The following RHOA variants were observed in gnomAD, a reference collection of about 807,000 sequenced individuals.
RHOA encodes the protein ras homolog family member A, also known as transforming protein RhoA.
A neutral mutation model predicts 17.5 loss-of-function variants in RHOA; 3 were observed. The observed-to-expected ratio is 0.17, with a 90% CI of 0.08 to 0.44. The LOEUF is 0.44. RHOA is among the 20% of genes least tolerant of loss of function. The pLI is 0.99. For missense variants in RHOA, 56 were observed against 242.3 expected (o/e 0.23, Z 5.10); for synonymous variants, 98 against 88.4 (o/e 1.11, Z -0.61).
At chr3:49,363,037 A>AG (rs760314592) in intron 3 of RHOA, among the ~76,000 whole-genome samples, 1 of 152,212 alleles carries the variant, frequency 6.6e-6, no homozygotes, top group Non-Finnish European at 1.5e-5. Context: ...CAGCTGACCC[A>AG]GGGTCCACAT....
intron 1 of RHOA, among the ~76,000 whole-genome samples, chr3:49,403,771 G>A (rs1045518094): frequency 6.6e-6 from 1 of 152,016 alleles, no homozygotes; most frequent in South Asian, 2.1e-4. Context: ...TTTAAAGTAT[G>A]TGCATTTTAT....
At chr3:49,406,585 A>T (rs1159710093) in intron 1 of RHOA, 1 of 152,184 alleles carries the variant, frequency 6.6e-6, no homozygotes, top group Non-Finnish European at 1.5e-5. Context: ...CCTGGCCGAC[A>T]TGGTAAAATT....
chr3:49,360,457 C>T (rs2047946337), intron 4 of RHOA, 75 bp from the exon 5 acceptor site: 1 of 1,448,370 alleles, frequency 6.9e-7, no homozygotes, highest in Non-Finnish European at 9.3e-7. Context: ...TATTCAAATT[C>T]ATCTAAAAGA....
At chr3:49,365,172 T>C (rs973713776) in intron 3 of RHOA, 3 of 151,246 alleles carry the variant, frequency 2.0e-5, no homozygotes, top group Non-Finnish European at 4.4e-5. Context: ...AGATGGACTC[T>C]TGCTCTGTCG....
chr3:49,383,103 G>T (rs566892354), intron 1 of RHOA, among the ~76,000 whole-genome samples: 2 of 151,766 alleles, frequency 1.3e-5, no homozygotes, highest in South Asian at 4.2e-4. Context: ...CCACCTTTGC[G>T]TAGCACCCTA....
chr3:49,368,284 C>G (rs1052378433), intron 3 of RHOA, 144 bp downstream of exon 3: 2 of 1,023,744 alleles, frequency 2.0e-6, no homozygotes, highest in African/African-American at 3.2e-5. Context: ...CCACGCTCTA[C>G]AATCCCAAAC....
At chr3:49,363,356 C>T (rs1480097932) in intron 3 of RHOA, among the ~76,000 whole-genome samples, 9 of 151,726 alleles carry the variant, frequency 5.9e-5, no homozygotes. Context: ...GGAGGCAGAG[C>T]TTGCCATGAG....
intron 1 of RHOA, among the ~76,000 whole-genome samples, chr3:49,405,688 T>C (rs1460831252): frequency 6.6e-6 from 1 of 152,036 alleles, no homozygotes; most frequent in African/African-American, 2.4e-5. Flanking sequence ...TCTTTCCTTC[T>C]TTTTTTTGTG....
chr3:49,409,175 A>C (rs950427008), intron 1 of RHOA, among the ~76,000 whole-genome samples: 1 of 151,554 alleles, frequency 6.6e-6, no homozygotes, highest in Non-Finnish European at 1.5e-5. Flanking sequence ...CAGGCGGATC[A>C]CCTGAGGTCA....
intron 1 of RHOA, among the ~76,000 whole-genome samples, chr3:49,402,562 T>C (rs569366821): frequency 6.6e-6 from 1 of 152,014 alleles, no homozygotes; most frequent in African/African-American, 2.4e-5. Flanking sequence ...TAGTCCCAGA[T>C]GCTCATGAGG....
At chr3:49,382,355 CTG>C (rs774047357) in intron 1 of RHOA, among the ~76,000 whole-genome samples, 5 of 151,636 alleles carry the variant, frequency 3.3e-5, no homozygotes, top group Non-Finnish European at 7.4e-5. Context: ...AAAATAGACA[CTG>C]GGCGTGGTGG....
chr3:49,399,136 G>A lies in RHOA; in HGVS notation c.-3+12684C>T, dbSNP rs190230674. ...TGTAATCCCAGCACTCTGGGAGGCC[G>A]AGGCAGGCAGATCACGAGGTCAGGA... On this transcript the variant is annotated intron_variant, in intron 1 of 4. Transcript: ENST00000418115. 2.7e-3 allele frequency among the ~76,000 whole-genome samples: 408 copies of A among 148,550 alleles called. 3 individuals carry two copies. Among genetic ancestry groups the A allele is most frequent in the African/African-American group, 9.5e-3 (382 of 40,406 alleles).
chr3:49,399,468 G>A (rs1428714586), intron 1 of RHOA, among the ~76,000 whole-genome samples: 1 of 152,028 alleles, frequency 6.6e-6, no homozygotes, highest in East Asian at 1.9e-4. Flanking sequence ...ATACCATAGT[G>A]TAATGGCGGG....
chr3:49,381,405 C>CA (rs34190698), intron 1 of RHOA, among the ~76,000 whole-genome samples: 39,665 of 132,372 alleles, frequency 0.3, 5,912 homozygotes, highest in Middle Eastern at 0.35. Flanking sequence ...AACCCCGTCT[C>CA]AAAAAAAAAA....
At position 49,396,301 on chromosome 3, in the gene RHOA, T is replaced by C. The variant is rs566098632; in HGVS notation, c.-3+15519A>G. 2.0e-5 allele frequency among the ~76,000 whole-genome samples: 3 copies of C among 152,244 alleles called. No homozygotes were observed. In the South Asian group the frequency reaches 6.2e-4, roughly 32 times the overall value. ...CAAGAAGTCAGCCCGGGGCCAGGCCTGGTGGCTCACGCCTGTAATCCCAGC... is the reference window on the plus strand; with the variant it reads ...CAAGAAGTCAGCCCGGGGCCAGGCCCGGTGGCTCACGCCTGTAATCCCAGC... On this transcript the variant is annotated intron_variant, in intron 1 of 4. Coordinates refer to ENST00000418115, the MANE Select transcript of RHOA (RefSeq NM_001664.4).
intron 2 of RHOA, among the ~76,000 whole-genome samples, chr3:49,370,471 A>C (rs1183874634): frequency 6.6e-6 from 1 of 152,228 alleles, no homozygotes; most frequent in Non-Finnish European, 1.5e-5. Flanking sequence ...TTTCTGCTAT[A>C]ATGTGGAAAC....
chr3:49,404,550 T>G (rs1486829686), intron 1 of RHOA, among the ~76,000 whole-genome samples: 1 of 131,152 alleles, frequency 7.6e-6, no homozygotes, highest in East Asian at 2.2e-4. Flanking sequence ...AGGCAGAGAT[T>G]GCAGTGAGCC....
At chr3:49,364,687 AAAAT>A (rs547245220) in intron 3 of RHOA, among the ~76,000 whole-genome samples, 86 of 152,140 alleles carry the variant, frequency 5.7e-4, no homozygotes, top group African/African-American at 1.7e-3. Flanking sequence ...TAAATAAATA[AAAAT>A]AAATAGACCA....
intron 1 of RHOA, among the ~76,000 whole-genome samples, chr3:49,396,252 G>A (rs576581436): frequency 2.7e-4 from 41 of 152,150 alleles, no homozygotes; most frequent in Non-Finnish European, 5.6e-4. Context: ...TGGGCACTGA[G>A]ATATGTGGTG....
Sources: gnomAD v4.1 joint callset for allele counts (sites outside exome capture counted in the v4.1 genomes callset) on GRCh38, gnomAD v4.1.1 for gene constraint, MANE v1.5 for transcripts, NCBI Gene and HGNC (gene_info 2026-07-23, HGNC 2026-07-21) for gene names.